The following GPR157 variants were observed in gnomAD, a reference collection of about 807,000 sequenced individuals.
GPR157 encodes G-protein coupled receptor 157.
A neutral mutation model predicts 23.5 loss-of-function variants in GPR157; 16 were observed. The observed-to-expected ratio is 0.68, with a 90% CI of 0.46 to 1.04. The LOEUF (loss-of-function observed/expected upper bound fraction) is 1.04. GPR157 is among the 50% of genes least tolerant of loss of function. The pLI, the probability that GPR157 is intolerant of heterozygous loss-of-function variation, is 0.00. For missense variants in GPR157, 440 were observed against 460.7 expected (o/e 0.96, Z 0.41); for synonymous variants, 200 against 221.5 (o/e 0.90, Z 0.86).
At chr1:9,107,019 A>C (rs1638357556) in intron 2 of GPR157, among the ~76,000 whole-genome samples, 1 of 152,188 alleles carries the variant, frequency 6.6e-6, no homozygotes, top group South Asian at 2.1e-4. Flanking sequence ...CTTCCTAGAC[A>C]GTCCCATCCT....
chr1:9,114,515 T>C (rs1175871306), intron 1 of GPR157, among the ~76,000 whole-genome samples: 2 of 151,934 alleles, frequency 1.3e-5, no homozygotes, highest in African/African-American at 2.4e-5. Context: ...GTCACTCAAA[T>C]AGGGGATTCC....
chr1:9,121,660 A>T (rs1336495446), intron 1 of GPR157, among the ~76,000 whole-genome samples: 1 of 152,162 alleles, frequency 6.6e-6, no homozygotes, highest in African/African-American at 2.4e-5. Flanking sequence ...AACAAAAAAC[A>T]AATTAGAGAA....
Position 9,123,357 on chromosome 1 carries a change from AAATATATATTTAAATT to A in GPR157, c.383+5272_383+5287del, listed in dbSNP as rs1638864182. Among the ~76,000 whole-genome samples, 5 of 32,058 alleles carry A rather than the reference AAATATATATTTAAATT, an allele frequency of 1.6e-4. 1 individual carries two copies. The highest frequency in any genetic ancestry group is 4.8e-4 in the African/African-American group (5 of 10,378). 21.0% of individuals were successfully genotyped at this position (32,058 alleles called of 152,430 possible). A position where few individuals can be genotyped will look rare whatever the true frequency, so the allele number is the denominator to read the frequency against. Reference sequence around the variant, plus strand: ...TAATTTAAATATATATATTTAATTTAAATATATATTTAAATTAAATATATATATTTAATTTAAATAT... The same window carrying A: ...TAATTTAAATATATATATTTAATTTAAAATATATATATTTAATTTAAATAT... On this transcript the variant is annotated intron_variant, in intron 1 of 3. Transcript: ENST00000377411.
chr1:9,104,066 G>A lies in GPR157; in HGVS notation c.*353C>T, dbSNP rs945554575. 5 of 242,734 alleles carry A rather than the reference G, an allele frequency of 2.1e-5. No homozygotes were observed. The South Asian group carries it at 3.2e-4, about 16-fold the overall frequency. 15.0% of individuals were successfully genotyped at this position (242,734 alleles called of 1,614,324 possible). The stretch of plus-strand genomic sequence containing the variant: ...ACAGAGGATAGGTGCACAGATGTGG[G>A]TCCCTCAGATTGTAAACAGTGCTGT... On this transcript the variant is annotated 3_prime_UTR_variant, in exon 4 of 4. Transcript: ENST00000377411.
chr1:9,126,750 GA>G (rs1638970794), intron 1 of GPR157, among the ~76,000 whole-genome samples: 1 of 152,202 alleles, frequency 6.6e-6, no homozygotes, highest in African/African-American at 2.4e-5. Context: ...AGCGAAGTCT[GA>G]GTGCTGAGAA....
chr1:9,123,517 T>TTAAATTAAATATATATTTAAAATATATC (rs1557701060), intron 1 of GPR157, among the ~76,000 whole-genome samples: 600 of 38,690 alleles, frequency 0.016, 17 homozygotes, highest in African/African-American at 0.039. Flanking sequence ...AAATATATAT[T>TTAAATTAAATATATATTTAAAATATATC]TAATTTAAAT....
At position 9,101,648 on chromosome 1, in the gene GPR157, C is replaced by G. The variant is rs1292144378; in HGVS notation, c.*2771G>C. 1.3e-5 allele frequency: 2 copies of G among 152,296 alleles called. No individual in the cohort carries two copies. Among genetic ancestry groups the G allele is most frequent in the East Asian group, 3.9e-4 (2 of 5,192 alleles). The allele number at this position is 152,296 out of a possible 1,614,324, so 9.4% of individuals were successfully genotyped here. On this transcript the variant is annotated 3_prime_UTR_variant, in exon 4 of 4. Coordinates refer to ENST00000377411, the MANE Select transcript of GPR157 (RefSeq NM_024980.5). ...TTGGAGGTTTTTACAAAAGCAGATA[C>G]AGTGGCCAGTGGCATCAAAGAAATG... is the stretch of plus-strand genomic sequence containing the variant.
In GPR157 at chr1:9,128,513, C is replaced by CG; in HGVS notation, c.383+131dup. On this transcript the variant is annotated intron_variant, in intron 1 of 3. Transcript: ENST00000377411. This position sits in a 1 kb window ranked among gnomAD's most constrained non-coding sequence, Gnocchi z 6.3. ...TCCTCCCGCTGGCCCAGGACAGCCT[C>CG]GGGGGCGCCAGCAGGCACTGCTTGC... 2 of 866,208 alleles carry CG rather than the reference C, an allele frequency of 2.3e-6. No homozygotes were observed. The highest frequency in any genetic ancestry group is 3.7e-6 in the Non-Finnish European group (2 of 545,414). The allele number at this position is 866,208 out of a possible 1,614,324, so 53.7% of individuals were successfully genotyped here.
chr1:9,103,518 TA>T lies in GPR157; in HGVS notation c.*900del, dbSNP rs1490834162. 3 of 152,324 alleles carry T rather than the reference TA, an allele frequency of 2.0e-5. No homozygotes were observed. The highest frequency in any genetic ancestry group is 7.2e-5 in the African/African-American group (3 of 41,558). The allele number at this position is 152,324 out of a possible 1,614,324, so 9.4% of individuals were successfully genotyped here. A position where few individuals can be genotyped will look rare whatever the true frequency, so the allele number is the denominator to read the frequency against. On this transcript the variant is annotated 3_prime_UTR_variant, in exon 4 of 4. Transcript: ENST00000377411. ...TCCGGCCACTTTACTTACAAAAAAC[TA>T]AACTAAGAAGTAAATAAGCCAGAAC...
At chr1:9,116,154 A>ATATATATAAAATATTATATATAT (rs1638630296) in intron 1 of GPR157, among the ~76,000 whole-genome samples, 3 of 40,756 alleles carry the variant, frequency 7.4e-5, no homozygotes, top group African/African-American at 3.1e-4. Context: ...ATTATATTAT[A>ATATATATAAAATATTATATATAT]TATATATATA....
chr1:9,116,266 A>ATATAATTATATATATATTAT (rs1553175081), intron 1 of GPR157, among the ~76,000 whole-genome samples: 1 of 11,078 alleles, frequency 9.0e-5, no homozygotes, highest in Non-Finnish European at 1.5e-4. Flanking sequence ...TATTATATAT[A>ATATAATTATATATATATTAT]ATATAATTAT....
rs1642573771 is a variant in GPR157 at position 9,102,146 on chromosome 1, A to T, written c.*2273T>A. ...TTTTCTTGGACAGGCACAGTGGCTC[A>T]TGCCTGCAATCGAAGCATTTTGGGA... On this transcript the variant is annotated 3_prime_UTR_variant, in exon 4 of 4. Transcript: ENST00000377411. 6.6e-6 allele frequency: 1 copy of T among 152,208 alleles called. No individual in the cohort carries two copies. Among genetic ancestry groups the T allele is most frequent in the African/African-American group, 2.4e-5 (1 of 41,442 alleles). 9.4% of individuals were successfully genotyped at this position (152,208 alleles called of 1,614,324 possible).
Position 9,128,481 on chromosome 1 carries a change from G to C in GPR157, c.383+164C>G. 1.4e-6 allele frequency: 1 copy of C among 712,358 alleles called. No individual in the cohort carries two copies. Among genetic ancestry groups the C allele is most frequent in the Non-Finnish European group, 2.4e-6 (1 of 408,446 alleles). The allele number at this position is 712,358 out of a possible 1,614,324, so 44.1% of individuals were successfully genotyped here. A position where few individuals can be genotyped will look rare whatever the true frequency, so the allele number is the denominator to read the frequency against. ...CGGGAGGGAGCGAATCTCGGGCAAG[G>C]CTGGCCTCCTCCCGCTGGCCCAGGA... On this transcript the variant is annotated intron_variant, in intron 1 of 3. Transcript: ENST00000377411. The surrounding 1 kb of genome is among the most constrained non-coding windows in gnomAD (Gnocchi z 6.3).
intron 2 of GPR157, among the ~76,000 whole-genome samples, chr1:9,110,522 CAAAAAT>C (rs1416873982): frequency 1.3e-5 from 2 of 152,158 alleles, no homozygotes; most frequent in Non-Finnish European, 2.9e-5. Flanking sequence ...GACCCTGTCT[CAAAAAT>C]AAATAAATAA....
chr1:9,109,209 A>C (rs1307330624), intron 2 of GPR157, among the ~76,000 whole-genome samples: 2 of 149,134 alleles, frequency 1.3e-5, no homozygotes, highest in Non-Finnish European at 3.0e-5. Context: ...CAGCCTCCTC[A>C]GTAGCTGGGA....
chr1:9,116,367 A>AATTATATATATATAATATATATAAAT (rs1638678533), intron 1 of GPR157, among the ~76,000 whole-genome samples: 1 of 79,330 alleles, frequency 1.3e-5, no homozygotes, highest in African/African-American at 5.3e-5. Flanking sequence ...TAAATTATAT[A>AATTATATATATATAATATATATAAAT]TATATATATT....
In GPR157 at chr1:9,111,491, TGAGG is replaced by T; in HGVS notation, c.384-6_384-3del. ...GTGATGACCAACGGGACCCCCCAGC[TGAGG>T]AAGGAGGAGAGAAAGAGGCATCGGG... is the stretch of plus-strand genomic sequence containing the variant. On this transcript the variant is annotated splice_region_variant and splice_polypyrimidine_tract_variant and intron_variant, in intron 1 of 3. Coordinates refer to ENST00000377411, the MANE Select transcript of GPR157 (RefSeq NM_024980.5). 6.2e-7 allele frequency: 1 copy of T among 1,612,136 alleles called. No individual in the cohort carries two copies. Among genetic ancestry groups the T allele is most frequent in the Non-Finnish European group, 8.5e-7 (1 of 1,178,522 alleles).
chr1:9,112,336 G>C (rs1280517345), intron 1 of GPR157, among the ~76,000 whole-genome samples: 3 of 152,250 alleles, frequency 2.0e-5, no homozygotes, highest in African/African-American at 7.2e-5. Context: ...TGGGCAGTGT[G>C]TCCCTTTGGC....
chr1:9,115,987 G>T (rs1340216875), intron 1 of GPR157, among the ~76,000 whole-genome samples: 1 of 146,322 alleles, frequency 6.8e-6, no homozygotes, highest in Non-Finnish European at 1.5e-5. Context: ...GGAAAACTTT[G>T]CTGATCTCTG....
Sources: allele counts gnomAD v4.1 joint callset (sites outside exome capture counted in the v4.1 genomes callset), GRCh38; gene constraint gnomAD v4.1.1; non-coding constraint Gnocchi (gnomAD v3.1); transcripts MANE v1.5; gene names NCBI Gene and HGNC (gene_info 2026-07-23, HGNC 2026-07-21).